Variants in PCM1 observed in about 807,000 individuals in gnomAD.
The protein encoded by PCM1 is pericentriolar material 1 protein.
PCM1 carries 157 observed loss-of-function variants against 241.9 expected under a neutral mutation model. The ratio of observed to expected loss-of-function variants is 0.65; its 90% CI spans 0.57 to 0.74. PCM1 has a LOEUF of 0.74. PCM1 is among the 30% of genes least tolerant of loss of function. The probability of loss-of-function intolerance (pLI) is 0.00; values close to 1 mark genes in which losing one functional copy is unlikely to be tolerated. For missense variants in PCM1, 3,478 were observed against 2,360.1 expected (o/e 1.47, Z -9.81); for synonymous variants, 1,085 against 784.9 (o/e 1.38, Z -6.39).
intron 8 of PCM1, among the ~76,000 whole-genome samples, chr8:17,952,711 G>T (rs2066543489): frequency 6.6e-6 from 1 of 152,036 alleles, no homozygotes; most frequent in Non-Finnish European, 1.5e-5. Context: ...AAGGGATTTG[G>T]GTATCTGTTG....
At chr8:17,987,950 C>T (rs1215053608) in intron 26 of PCM1, among the ~76,000 whole-genome samples, 1 of 151,670 alleles carries the variant, frequency 6.6e-6, no homozygotes, top group African/African-American at 2.4e-5. Flanking sequence ...TGCTTCTATG[C>T]TTCTTGAGCT....
intron 15 of PCM1, 97 bp from the exon 16 acceptor site, chr8:17,961,937 C>A: frequency 1.0e-6 from 1 of 963,254 alleles, no homozygotes; most frequent in Non-Finnish European, 1.5e-6. Context: ...TTAAATATGG[C>A]ACTAGAGCCT....
intron 36 of PCM1, among the ~76,000 whole-genome samples, chr8:18,021,930 T>A (rs74693170): frequency 1.3e-3 from 197 of 152,338 alleles, no homozygotes; most frequent in African/African-American, 4.4e-3. Flanking sequence ...AAAAGTCTAT[T>A]TCTACCAGCT....
chr8:17,965,405 AT>A (rs1284077693), intron 18 of PCM1, among the ~76,000 whole-genome samples: 1 of 152,208 alleles, frequency 6.6e-6, no homozygotes, highest in African/African-American at 2.4e-5. Flanking sequence ...CACTTGGGAG[AT>A]TCCAAGGGTT....
chr8:17,957,322 G>A lies in PCM1; in HGVS notation c.1705G>A (p.Val569Ile), dbSNP rs2069024211. Residue 569 changes from valine to isoleucine, a missense_variant, in exon 12 of 39, where the codon GTT (valine) becomes ATT (isoleucine). Val to Ile is a conservative substitution (Grantham distance 29). Coordinates refer to ENST00000325083, the MANE Select transcript of PCM1 (RefSeq NM_006197.4). ...AAATAGTCATAGTAATGCACAGTGT[G>A]TTTCTAATAATAGAGATGGGCGAAC... The part of the protein sequence containing the change: ...EVNSHSNAQC[V>I]SNNRDGRTVN... The A allele has an allele frequency of 1.2e-6, 2 of 1,611,698 alleles. No individual in the cohort carries two copies. The highest frequency in any genetic ancestry group is 4.5e-5 in the East Asian group (2 of 44,858).
At chr8:17,990,989 C>G (rs1293994386) in intron 27 of PCM1, among the ~76,000 whole-genome samples, 1 of 151,988 alleles carries the variant, frequency 6.6e-6, no homozygotes, top group African/African-American at 2.4e-5. Context: ...GGTTGTCCCT[C>G]TCTTTCTGAG....
At chr8:18,024,448 T>C (rs1424372041) in intron 36 of PCM1, among the ~76,000 whole-genome samples, 2 of 152,204 alleles carry the variant, frequency 1.3e-5, no homozygotes, top group Non-Finnish European at 2.9e-5. Context: ...TGAAAAACGT[T>C]AGTACAAAGA....
intron 36 of PCM1, among the ~76,000 whole-genome samples, chr8:18,018,869 T>C (rs1278079674): frequency 5.6e-4 from 37 of 66,130 alleles, no homozygotes; most frequent in South Asian, 7.1e-4. Context: ...TATATATATA[T>C]ATATATATAT....
In PCM1 at chr8:17,960,335, A is replaced by G. The variant is rs550472495; in HGVS notation, c.2213A>G (p.Lys738Arg). 1.7e-5 allele frequency: 27 copies of G among 1,594,572 alleles called. No homozygotes were observed. In the South Asian group the frequency reaches 2.4e-4, roughly 14 times the overall value. Residue 738 changes from lysine to arginine, a missense_variant, in exon 15 of 39, where the codon AAA becomes AGA. Coordinates refer to ENST00000325083, the MANE Select transcript of PCM1 (RefSeq NM_006197.4). ...EKAREKFYEAKLQQQQRELKQ... is the reference protein window; with the variant it reads ...EKAREKFYEARLQQQQRELKQ... ...TGTAGAGAGAAATTTTATGAGGCTA[A>G]ACTACAGCAGCAACAGAGAGAGCTA...
At chr8:17,962,243 C>G in intron 16 of PCM1, 69 bp downstream of exon 16, 1 of 1,360,848 alleles carries the variant, frequency 7.3e-7, no homozygotes, top group East Asian at 2.5e-5. Flanking sequence ...TTCAATAAGG[C>G]ACATCTCAAG....
intron 36 of PCM1, among the ~76,000 whole-genome samples, chr8:18,015,251 T>TTA (rs1554772786): frequency 2.1e-3 from 305 of 145,320 alleles, no homozygotes; most frequent in Middle Eastern, 0.011. Flanking sequence ...CAGTGAATGA[T>TTA]AAAAAAAAAA....
chr8:17,957,375 C>G lies in PCM1; in HGVS notation c.1758C>G (p.Asn586Lys). Reference protein sequence around the residue: ...RTVNSNCEINNRSAANIRALN... With the variant: ...RTVNSNCEINKRSAANIRALN... ...TTAATTCTAATTGTGAAATTAACAACAGATCTGCTGCCAACATAAGGGCTC... is the reference window on the plus strand; with the variant it reads ...TTAATTCTAATTGTGAAATTAACAAGAGATCTGCTGCCAACATAAGGGCTC... Residue 586 changes from asparagine to lysine, a missense_variant, in exon 12 of 39, where the codon AAC (asparagine) becomes AAG (lysine). Asn to Lys is a moderately conservative substitution (Grantham distance 94). Coordinates refer to ENST00000325083, the MANE Select transcript of PCM1 (RefSeq NM_006197.4). 6.2e-7 allele frequency: 1 copy of G among 1,612,284 alleles called. No homozygotes were observed. The highest frequency in any genetic ancestry group is 8.5e-7 in the Non-Finnish European group (1 of 1,178,644).
At chr8:18,004,582 A>G (rs2090706642) in intron 29 of PCM1, among the ~76,000 whole-genome samples, 1 of 152,210 alleles carries the variant, frequency 6.6e-6, no homozygotes, top group Non-Finnish European at 1.5e-5. Flanking sequence ...AGTAGAACTA[A>G]TAATCTGATT....
rs191284114 is a variant in PCM1 at position 17,994,835 on chromosome 8, T to C, written c.4827+1216T>C. Among the ~76,000 whole-genome samples the C allele has an allele frequency of 2.4e-3, 361 of 151,696 alleles. 3 individuals carry two copies. Among genetic ancestry groups the C allele is most frequent in the Non-Finnish European group, 4.3e-3 (291 of 68,034 alleles). On this transcript the variant is annotated intron_variant, in intron 29 of 38. Coordinates refer to ENST00000325083, the MANE Select transcript of PCM1 (RefSeq NM_006197.4). Reference sequence around the variant, plus strand: ...TGTTTGCCATTTGTATGTCGTCTTTTGAGAAGTGTGTCTTCAGATCTTCTG... The same window carrying C: ...TGTTTGCCATTTGTATGTCGTCTTTCGAGAAGTGTGTCTTCAGATCTTCTG...
intron 29 of PCM1, among the ~76,000 whole-genome samples, chr8:18,002,013 T>C (rs1249255285): frequency 1.4e-3 from 99 of 70,814 alleles, no homozygotes; most frequent in Non-Finnish European, 2.3e-3. Flanking sequence ...TTTTTTTTTT[T>C]TTTTTTTTTT....
At chr8:17,982,345 G>A (rs1364554820) in intron 24 of PCM1, among the ~76,000 whole-genome samples, 4 of 152,018 alleles carry the variant, frequency 2.6e-5, no homozygotes, top group Non-Finnish European at 1.5e-5. Context: ...AATAAACTGA[G>A]TATCAATTAC....
intron 6 of PCM1, 129 bp downstream of exon 6, chr8:17,939,990 A>G: frequency 2.3e-6 from 3 of 1,299,236 alleles, no homozygotes; most frequent in African/African-American, 1.5e-5. Context: ...CATTATAACA[A>G]TTTATTGCCC....
At chr8:18,026,873 T>C (rs2094262402) in intron 38 of PCM1, among the ~76,000 whole-genome samples, 2 of 152,212 alleles carry the variant, frequency 1.3e-5, no homozygotes, top group African/African-American at 2.4e-5. Flanking sequence ...TTACTAAGGC[T>C]ATTATATACG....
rs541346751 is a variant in PCM1 at position 17,939,887 on chromosome 8, A to C, written c.783+26A>C. Reference sequence around the variant, plus strand: ...GTAAGTATTCGACTTTTAAAATAACATATTATTTTTGTAGTATCTCAGTGT... The same window carrying C: ...GTAAGTATTCGACTTTTAAAATAACCTATTATTTTTGTAGTATCTCAGTGT... On this transcript the variant is annotated intron_variant, in intron 6 of 38. Coordinates refer to ENST00000325083, the MANE Select transcript of PCM1 (RefSeq NM_006197.4). The C allele has an allele frequency of 3.0e-6, 4 of 1,348,754 alleles. No individual in the cohort carries two copies. In the Admixed American group the frequency reaches 8.5e-5, roughly 29 times the overall value. 83.5% of individuals were successfully genotyped at this position (1,348,754 alleles called of 1,614,324 possible).
Sources: allele counts gnomAD v4.1 joint callset (sites outside exome capture counted in the v4.1 genomes callset), GRCh38; gene constraint gnomAD v4.1.1; transcripts MANE v1.5; gene names NCBI Gene and HGNC (gene_info 2026-07-23, HGNC 2026-07-21).